ZNF746: variants seen among roughly 807,000 people sequenced by gnomAD.
ZNF746 encodes zinc finger protein 746.
In ZNF746, 13 loss-of-function variants were observed where a neutral mutation model predicts 41.0. That is an observed-to-expected ratio of 0.32 (90% CI 0.21 to 0.50). ZNF746 has a LOEUF of 0.50. Ranked by LOEUF, ZNF746 falls within the 20% of genes least tolerant of loss-of-function variation. The probability of loss-of-function intolerance (pLI) is 0.98; values close to 1 mark genes in which losing one functional copy is unlikely to be tolerated. For synonymous variants in ZNF746, 424 were observed against 396.2 expected (o/e 1.07, Z -0.83); for missense variants, 811 against 922.9 (o/e 0.88, Z 1.57).
chr7:149,489,390 G>A (rs1192793947), intron 4 of ZNF746: 5 of 152,130 alleles, frequency 3.3e-5, no homozygotes, highest in Non-Finnish European at 7.4e-5. Context: ...TTATACTTTT[G>A]AAATTGACAT....
In ZNF746 at chr7:149,491,592, C is replaced by T. The variant is rs538006243; in HGVS notation, c.565+1267G>A. ...AGCTAAACTGTCAATGTCCCGATGA[C>T]GACTGGCAAAGCGGCCAGCCCGGAA... On this transcript the variant is annotated intron_variant, in intron 4 of 6. Coordinates refer to ENST00000458143, the MANE Select transcript of ZNF746 (RefSeq NM_001394198.1). 4.3e-5 allele frequency: 19 copies of T among 437,178 alleles called. No individual in the cohort carries two copies. The East Asian group carries it at 5.6e-4, about 13-fold the overall frequency. The allele number at this position is 437,178 out of a possible 1,614,324, so 27.1% of individuals were successfully genotyped here. A position where few individuals can be genotyped will look rare whatever the true frequency, so the allele number is the denominator to read the frequency against.
intron 4 of ZNF746, chr7:149,477,963 A>G (rs1419105135): frequency 2.4e-5 from 11 of 454,246 alleles, no homozygotes; most frequent in Middle Eastern, 5.7e-4. Context: ...TAGGGTAGGA[A>G]AGGCTGAGGC....
intron 6 of ZNF746, 22 bp from the exon 7 acceptor site, chr7:149,475,505 A>G: frequency 6.3e-7 from 1 of 1,597,260 alleles, no homozygotes. Context: ...AGAAAGACAG[A>G]TACTGACCTG....
chr7:149,496,428 G>A (rs1385295308), intron 1 of ZNF746, among the ~76,000 whole-genome samples: 2 of 152,138 alleles, frequency 1.3e-5, no homozygotes, highest in Non-Finnish European at 2.9e-5. Flanking sequence ...GATGGTAAGA[G>A]GAGCCGGATC....
At chr7:149,476,784 G>A in intron 6 of ZNF746, 138 bp downstream of exon 6, 1 of 1,153,616 alleles carries the variant, frequency 8.7e-7, no homozygotes, top group South Asian at 1.3e-5. Context: ...AATGTGCAAA[G>A]GGTCATAAGA....
At position 149,475,048 on chromosome 7, in the gene ZNF746, G is replaced by C. The variant is rs745321885; in HGVS notation, c.1319C>G (p.Pro440Arg). Residue 440 changes from proline (P) to arginine (R), a missense_variant, in exon 7 of 7, where the codon CCC becomes CGC. By Grantham distance (103) the Pro-to-Arg change is moderately radical. Around this residue, in one of 4 missense-constraint regions of ZNF746, gnomAD observed 495 missense variants for 481.6 expected, o/e 1.03. Coordinates refer to ENST00000458143, the MANE Select transcript of ZNF746 (RefSeq NM_001394198.1). Reference sequence around the variant, plus strand: ...TTTGGTCCGGCCAGGGTATTTACAGGGTTCGTTGAATGGCCTTGGGGCCTG... The same window carrying C: ...TTTGGTCCGGCCAGGGTATTTACAGCGTTCGTTGAATGGCCTTGGGGCCTG... Reference protein sequence around the residue: ...PSQAPRPFNEPCKYPGRTKGF... With the variant: ...PSQAPRPFNERCKYPGRTKGF... 3.8e-6 allele frequency: 6 copies of C among 1,575,358 alleles called. No homozygotes were observed. The highest frequency in any genetic ancestry group is 1.9e-5 in the Admixed American group (1 of 52,850).
rs1435930016 is a variant in ZNF746, at chr7:149,475,015, C to T, written c.1352G>A (p.Gly451Asp). The T allele has an allele frequency of 6.4e-7, 1 of 1,551,882 alleles. No individual in the cohort carries two copies. Among genetic ancestry groups the T allele is most frequent in the African/African-American group, 1.4e-5 (1 of 73,510 alleles). The part of the protein sequence containing the change: ...CKYPGRTKGF[G>D]HKPGLKKHPA... ...GTGCTTCTTCAGCCCTGGCTTGTGG[C>T]CAAAGCCTTTGGTCCGGCCAGGGTA... is the stretch of plus-strand genomic sequence containing the variant. The change falls in exon 7 of 7, where the codon GGC (glycine) becomes GAC (aspartate). Residue 451 changes from glycine to aspartate, a missense_variant. By Grantham distance (94) the Gly-to-Asp change is moderately conservative. Coordinates refer to ENST00000458143, the MANE Select transcript of ZNF746 (RefSeq NM_001394198.1).
intron 4 of ZNF746, chr7:149,487,667 G>C (rs1253228554): frequency 6.6e-6 from 1 of 152,016 alleles, no homozygotes; most frequent in Non-Finnish European, 1.5e-5. Context: ...CAGCATACCT[G>C]TACACCTGAA....
At position 149,494,131 on chromosome 7, in the gene ZNF746, TCA is replaced by T; in HGVS notation, c.325-18_325-17del. 1.2e-6 allele frequency: 2 copies of T among 1,614,080 alleles called. No individual in the cohort carries two copies. Among genetic ancestry groups the T allele is most frequent in the East Asian group, 4.5e-5 (2 of 44,864 alleles). On this transcript the variant is annotated splice_polypyrimidine_tract_variant and intron_variant, in intron 2 of 6. Transcript: ENST00000458143. This position sits in a 1 kb window ranked among gnomAD's most constrained non-coding sequence, Gnocchi z 5.6. The stretch of plus-strand genomic sequence containing the variant: ...TCACGGGCACCTGGAACCACAAGTG[TCA>T]CACTCGCTCACCCACACGCTCACGG...
At chr7:149,491,983 T>G in intron 4 of ZNF746, 1 of 703,026 alleles carries the variant, frequency 1.4e-6, no homozygotes, top group East Asian at 2.7e-5. Flanking sequence ...TAAATAAATG[T>G]GTGCTTCTAA....
rs1800898691 is a variant in ZNF746 at position 149,494,001 on chromosome 7, G to A, written c.439C>T (p.Leu147=). Residue 147 remains leucine (L), a synonymous_variant, in exon 3 of 7, where the codon CTG becomes TTG. Transcript: ENST00000458143. This position sits in a 1 kb window ranked among gnomAD's most constrained non-coding sequence, Gnocchi z 5.6. ...TGTCAGGCCTTACCCAGGGAGACCA[G>A]CGTCTCGTAGTTGCCCCTCATCACG... ...KHVMRGNYET[L]VSLDYAISKP... 1 of 1,614,106 alleles carries A rather than the reference G, an allele frequency of 6.2e-7. No individual in the cohort carries two copies. Among genetic ancestry groups the A allele is most frequent in the Non-Finnish European group, 8.5e-7 (1 of 1,180,042 alleles).
intron 4 of ZNF746, among the ~76,000 whole-genome samples, chr7:149,492,432 C>G (rs1800834461): frequency 6.6e-6 from 1 of 152,212 alleles, no homozygotes; most frequent in African/African-American, 2.4e-5. Context: ...TTCATAGTAT[C>G]AATAAGGCTT....
At position 149,474,306 on chromosome 7, in the gene ZNF746, A is replaced by C; in HGVS notation, c.*78T>G. 1 of 1,515,524 alleles carries C rather than the reference A, an allele frequency of 6.6e-7. No homozygotes were observed. Among genetic ancestry groups the C allele is most frequent in the South Asian group, 1.2e-5 (1 of 82,426 alleles). 93.9% of individuals were successfully genotyped at this position (1,515,524 alleles called of 1,614,324 possible). On this transcript the variant is annotated 3_prime_UTR_variant, in exon 7 of 7. Coordinates refer to ENST00000458143, the MANE Select transcript of ZNF746 (RefSeq NM_001394198.1). The surrounding 1 kb of genome is among the most constrained non-coding windows in gnomAD (Gnocchi z 6.3). ...TTCTCCCCGTCCCGCGTCTGCCTGA[A>C]GCTTCCACGCCGCCCTGCTGCCTGC...
chr7:149,495,505 A>T (rs1800965663), intron 1 of ZNF746, among the ~76,000 whole-genome samples: 1 of 152,166 alleles, frequency 6.6e-6, no homozygotes, highest in South Asian at 2.1e-4. Flanking sequence ...GTGGGTAGGG[A>T]GCTGGACTGT....
At chr7:149,475,728 T>C (rs1800278698) in intron 6 of ZNF746, among the ~76,000 whole-genome samples, 1 of 152,206 alleles carries the variant, frequency 6.6e-6, no homozygotes, top group Non-Finnish European at 1.5e-5. Flanking sequence ...CCAGGCTCCA[T>C]TTTTCAGTTT....
At chr7:149,488,463 A>C (rs1800690993) in intron 4 of ZNF746, 1 of 152,226 alleles carries the variant, frequency 6.6e-6, no homozygotes, top group Non-Finnish European at 1.5e-5. Context: ...CGACACGGAG[A>C]AAATGTTTGT....
chr7:149,495,049 T>C lies in ZNF746; in HGVS notation c.25-546A>G, dbSNP rs1418442056. Among the ~76,000 whole-genome samples the C allele has an allele frequency of 5.3e-5, 8 of 152,308 alleles. No homozygotes were observed. In the East Asian group the frequency reaches 1.4e-3, roughly 26 times the overall value. On this transcript the variant is annotated intron_variant, in intron 1 of 6. Transcript: ENST00000458143. ...ACAAGAGTATTGCTCAATTTCTTTT[T>C]TCTTTTTTTGTTTTTTAAAGCATCT...
chr7:149,484,059 C>T (rs1350949263), intron 4 of ZNF746, among the ~76,000 whole-genome samples: 1 of 152,100 alleles, frequency 6.6e-6, no homozygotes, highest in Non-Finnish European at 1.5e-5. Context: ...TAAATTACAT[C>T]GGTAGTAAAA....
At chr7:149,484,316 A>G (rs1194578811) in intron 4 of ZNF746, among the ~76,000 whole-genome samples, 1 of 152,240 alleles carries the variant, frequency 6.6e-6, no homozygotes, top group Non-Finnish European at 1.5e-5. Flanking sequence ...AGCATACAGC[A>G]ATGTTCATAA....
Sources: allele counts gnomAD v4.1 joint callset (sites outside exome capture counted in the v4.1 genomes callset), GRCh38; gene constraint gnomAD v4.1.1; regional missense constraint gnomAD v4.1.1; non-coding constraint Gnocchi (gnomAD v3.1); transcripts MANE v1.5; gene names NCBI Gene and HGNC (gene_info 2026-07-23, HGNC 2026-07-21).